FBXL17: variants seen among roughly 807,000 people sequenced by gnomAD.
The protein encoded by FBXL17 is F-box/LRR-repeat protein 17.
A neutral mutation model predicts 66.2 loss-of-function variants in FBXL17; 22 were observed. The ratio of observed to expected loss-of-function variants is 0.33; its 90% CI spans 0.24 to 0.47. FBXL17 has a LOEUF of 0.47. Among genes scored for constraint, FBXL17 ranks in the 20% least tolerant of loss-of-function variants. The pLI, the probability that FBXL17 is intolerant of heterozygous loss-of-function variation, is 1.00. For missense variants in FBXL17, 878 were observed against 948.2 expected, an observed-to-expected ratio of 0.93 and a Z score of 0.97; for synonymous variants, 474 against 400.5, an observed-to-expected ratio of 1.18 and a Z score of -2.19.
At chr5:108,256,321 G>A (rs1644194346) in intron 4 of FBXL17, among the ~76,000 whole-genome samples, 1 of 152,040 alleles carries the variant, frequency 6.6e-6, no homozygotes, top group African/African-American at 2.4e-5. Context: ...ATCAGCTAAA[G>A]TCAAGTCAAA....
chr5:108,047,337 A>C (rs1347870884), intron 6 of FBXL17, among the ~76,000 whole-genome samples: 4 of 152,162 alleles, frequency 2.6e-5, no homozygotes, highest in Non-Finnish European at 5.9e-5. Flanking sequence ...TCGTGAACCT[A>C]CACCACGGGG....
chr5:108,150,851 A>G (rs749187950), intron 6 of FBXL17, among the ~76,000 whole-genome samples: 2 of 152,160 alleles, frequency 1.3e-5, no homozygotes, highest in Non-Finnish European at 2.9e-5. Context: ...GGATTTCTCT[A>G]TTGTAAAGGT....
At chr5:108,154,835 G>T (rs751984642) in intron 6 of FBXL17, among the ~76,000 whole-genome samples, 5 of 151,340 alleles carry the variant, frequency 3.3e-5, no homozygotes, top group Non-Finnish European at 5.9e-5. Flanking sequence ...GAACACCAAA[G>T]AAATTAGGAA....
chr5:108,016,668 A>T (rs1022090438), intron 7 of FBXL17, among the ~76,000 whole-genome samples: 3 of 152,080 alleles, frequency 2.0e-5, no homozygotes, highest in Non-Finnish European at 2.9e-5. Context: ...GAGAAATACC[A>T]CTTCCTCCAC....
At chr5:107,980,580 C>T (rs1367469870) in intron 7 of FBXL17, among the ~76,000 whole-genome samples, 1 of 145,136 alleles carries the variant, frequency 6.9e-6, no homozygotes, top group East Asian at 2.0e-4. Context: ...AAGTAATCCA[C>T]CGACCTCGGC....
At chr5:108,058,968 A>G (rs1747818932) in intron 6 of FBXL17, among the ~76,000 whole-genome samples, 1 of 152,152 alleles carries the variant, frequency 6.6e-6, no homozygotes, top group Non-Finnish European at 1.5e-5. Flanking sequence ...TTTCTGCACA[A>G]AACAGGTAGA....
intron 4 of FBXL17, among the ~76,000 whole-genome samples, chr5:108,267,733 T>C (rs953594825): frequency 6.6e-6 from 1 of 151,830 alleles, no homozygotes; most frequent in African/African-American, 2.4e-5. Context: ...GATGAATAAA[T>C]AAAATAAGTG....
At position 108,020,991 on chromosome 5, in the gene FBXL17, C is replaced by T. The variant is rs1278055642; in HGVS notation, c.1756G>A (p.Val586Ile). ...AGGTTTTGTCCTTCCTTTGCAATGA[C>T]CTCCACACACCTGAAACATACAAAA... is the stretch of plus-strand genomic sequence containing the variant. The part of the protein sequence containing the change: ...NWIINDRCVE[V>I]IAKEGQNLKE... The change falls in exon 7 of 9, where the codon GTC becomes ATC. Residue 586 changes from valine to isoleucine, a missense_variant. Physicochemically the swap from Val to Ile is conservative, Grantham distance 29. Transcript: ENST00000542267. The T allele has an allele frequency of 1.2e-6, 2 of 1,609,574 alleles. No homozygotes were observed. Among genetic ancestry groups the T allele is most frequent in the Admixed American group, 1.7e-5 (1 of 59,826 alleles).
intron 7 of FBXL17, among the ~76,000 whole-genome samples, chr5:107,942,238 C>T (rs1751129910): frequency 6.6e-6 from 1 of 152,140 alleles, no homozygotes; most frequent in Admixed American, 6.5e-5. Context: ...TCGTGCAAGG[C>T]TCTAAAGGAA....
chr5:108,093,696 C>A (rs868392621), intron 6 of FBXL17, among the ~76,000 whole-genome samples: 1 of 152,104 alleles, frequency 6.6e-6, no homozygotes, highest in South Asian at 2.1e-4. Flanking sequence ...GCATTTATAT[C>A]GGCAAAGATT....
chr5:108,280,705 TA>T (rs1371830950), intron 4 of FBXL17, among the ~76,000 whole-genome samples: 4 of 147,516 alleles, frequency 2.7e-5, no homozygotes, highest in African/African-American at 1.0e-4. Flanking sequence ...ATGCTCCAAT[TA>T]AAAGCTATAC....
intron 4 of FBXL17, chr5:108,298,091 C>A: frequency 2.1e-6 from 2 of 967,194 alleles, no homozygotes; most frequent in South Asian, 9.6e-5. Context: ...CCATGTAGGG[C>A]TTATATTATA....
chr5:108,223,656 AT>A (rs1561473898), intron 5 of FBXL17, among the ~76,000 whole-genome samples: 1 of 152,170 alleles, frequency 6.6e-6, no homozygotes, highest in Non-Finnish European at 1.5e-5. Context: ...ATTTCATATA[AT>A]TGTTATATTA....
chr5:108,168,401 T>C (rs1752487443), intron 6 of FBXL17, among the ~76,000 whole-genome samples: 1 of 152,218 alleles, frequency 6.6e-6, no homozygotes. Flanking sequence ...ATCCAAAGAA[T>C]GACTGCAGCT....
chr5:108,292,982 T>C (rs1417626707), intron 4 of FBXL17, among the ~76,000 whole-genome samples: 1 of 150,254 alleles, frequency 6.7e-6, no homozygotes, highest in Non-Finnish European at 1.5e-5. Flanking sequence ...TCCAAGCTAC[T>C]GGGGAGGCTG....
Position 107,988,433 on chromosome 5 carries a change from C to G in FBXL17, c.1822+32492G>C, listed in dbSNP as rs928256910. Reference sequence around the variant, plus strand: ...ACACTTTCATAAGCAAAATCAACACCTTTAGAGCACTGAAAATTTGATATG... The same window carrying G: ...ACACTTTCATAAGCAAAATCAACACGTTTAGAGCACTGAAAATTTGATATG... On this transcript the variant is annotated intron_variant, in intron 7 of 8. Transcript: ENST00000542267. Among the ~76,000 whole-genome samples, 46 of 152,018 alleles carry G rather than the reference C, an allele frequency of 3.0e-4. 1 individual carries two copies. Among genetic ancestry groups the G allele is most frequent in the Admixed American group, 7.2e-4 (11 of 15,270 alleles).
chr5:107,987,116 G>A (rs554585554), intron 7 of FBXL17, among the ~76,000 whole-genome samples: 121 of 151,904 alleles, frequency 8.0e-4, no homozygotes, highest in African/African-American at 2.8e-3. Context: ...AAAAGAGATA[G>A]GAAAACACAA....
chr5:108,273,278 A>T (rs925864940), intron 4 of FBXL17, among the ~76,000 whole-genome samples: 1 of 152,126 alleles, frequency 6.6e-6, no homozygotes, highest in Non-Finnish European at 1.5e-5. Flanking sequence ...AGCATGGCAC[A>T]TGTATACATA....
At chr5:108,288,834 T>G (rs1758002896) in intron 4 of FBXL17, among the ~76,000 whole-genome samples, 1 of 152,118 alleles carries the variant, frequency 6.6e-6, no homozygotes, top group African/African-American at 2.4e-5. Flanking sequence ...TACTCTTCAC[T>G]TTAAACATAA....
Sources: gnomAD v4.1 joint callset for allele counts (sites outside exome capture counted in the v4.1 genomes callset) on GRCh38, gnomAD v4.1.1 for gene constraint, MANE v1.5 for transcripts, NCBI Gene and HGNC (gene_info 2026-07-23, HGNC 2026-07-21) for gene names.